Variants in BNIP5 observed in about 807,000 individuals in gnomAD.
The protein encoded by BNIP5 is BCL2 interacting protein 5, also known as protein BNIP5.
A neutral mutation model predicts 67.3 loss-of-function variants in BNIP5; 61 were observed. The ratio of observed to expected loss-of-function variants is 0.91; its 90% CI spans 0.74 to 1.12. The LOEUF is 1.12. BNIP5 is among the 50% of genes most tolerant of loss of function. BNIP5 has a pLI of 0.00. For missense variants in BNIP5, 826 were observed against 816.3 expected, an observed-to-expected ratio of 1.01 and a Z score of -0.14; for synonymous variants, 317 against 319.0, an observed-to-expected ratio of 0.99 and a Z score of 0.07.
At chr6:36,324,398 G>A (rs1239787817) in intron 6 of BNIP5, among the ~76,000 whole-genome samples, 3 of 150,652 alleles carry the variant, frequency 2.0e-5, no homozygotes, top group Non-Finnish European at 3.0e-5. Flanking sequence ...CCAGGAGGAG[G>A]CCCCTCAGGG....
Position 36,326,560 on chromosome 6 carries a change from A to G in BNIP5, c.986T>C (p.Phe329Ser). Residue 329 changes from phenylalanine to serine, a missense_variant, in exon 5 of 12, where the codon TTT becomes TCT. Transcript: ENST00000437635. ...ATGGCCGCTGACACACAGGGGCAGAAAGCTGGACTTCTTGGGTGGCCAGGC... is the reference window on the plus strand; with the variant it reads ...ATGGCCGCTGACACACAGGGGCAGAGAGCTGGACTTCTTGGGTGGCCAGGC... ...PEAWPPKKSSFLPLCVSGHRP... is the reference protein window; with the variant it reads ...PEAWPPKKSSSLPLCVSGHRP... 1 of 1,614,248 alleles carries G rather than the reference A, an allele frequency of 6.2e-7. No individual in the cohort carries two copies. The highest frequency in any genetic ancestry group is 1.3e-5 in the African/African-American group (1 of 75,076).
rs750923158 is a variant in BNIP5, at chr6:36,321,247, A to G, written c.1604-28T>C. ...AAGGAAAAGAAAGGAGGATTGAGTG[A>G]CTGTTGACTGGGTGATGCCCAGTTC... On this transcript the variant is annotated intron_variant, in intron 9 of 11. Transcript: ENST00000437635. The G allele has an allele frequency of 3.9e-6, 6 of 1,543,172 alleles. No homozygotes were observed. In the Admixed American group the frequency reaches 1.1e-4, roughly 28 times the overall value.
At chr6:36,329,001 C>G (rs1174949329) in intron 2 of BNIP5, among the ~76,000 whole-genome samples, 5 of 152,108 alleles carry the variant, frequency 3.3e-5, no homozygotes, top group Non-Finnish European at 2.9e-5. Context: ...CAAGGCAGAG[C>G]CCCCCTCCCT....
rs141923888 is a variant in BNIP5, at chr6:36,316,623, T to C, written c.*733A>G. ...GAAAACTACCCAAAAGAAGCTATAGTGCCTACATGGACATGGCACTAGGTA... is the reference window on the plus strand; with the variant it reads ...GAAAACTACCCAAAAGAAGCTATAGCGCCTACATGGACATGGCACTAGGTA... On this transcript the variant is annotated 3_prime_UTR_variant, in exon 12 of 12. Transcript: ENST00000437635. 5.1e-4 allele frequency: 203 copies of C among 398,708 alleles called. 3 individuals carry two copies. The East Asian group carries it at 5.8e-3, about 11-fold the overall frequency. The allele number at this position is 398,708 out of a possible 1,614,324, so 24.7% of individuals were successfully genotyped here.
chr6:36,323,002 G>A (rs1441148321), intron 8 of BNIP5, among the ~76,000 whole-genome samples: 4 of 152,188 alleles, frequency 2.6e-5, no homozygotes, highest in Non-Finnish European at 5.9e-5. Flanking sequence ...GATGCACAGC[G>A]GCACGGATCT....
chr6:36,325,910 C>G (rs377632780), intron 5 of BNIP5, among the ~76,000 whole-genome samples: 1 of 152,190 alleles, frequency 6.6e-6, no homozygotes, highest in African/African-American at 2.4e-5. Flanking sequence ...CTAGCTCTGG[C>G]CCCATCATCC....
At chr6:36,331,894 T>A (rs917923510) in intron 1 of BNIP5, among the ~76,000 whole-genome samples, 5 of 152,064 alleles carry the variant, frequency 3.3e-5, no homozygotes, top group Admixed American at 1.3e-4. Context: ...TCATAGAGCC[T>A]GTCCTCACCC....
chr6:36,335,828 C>T (rs369139771), intron 1 of BNIP5, among the ~76,000 whole-genome samples: 1 of 152,140 alleles, frequency 6.6e-6, no homozygotes, highest in East Asian at 1.9e-4. Flanking sequence ...CCACTTCTCC[C>T]GATTCAAATC....
Position 36,316,321 on chromosome 6 carries a change from G to T in BNIP5, c.*1035C>A, listed in dbSNP as rs1771513749. The T allele has an allele frequency of 5.1e-6, 2 of 395,256 alleles. No homozygotes were observed. The highest frequency in any genetic ancestry group is 4.1e-5 in the African/African-American group (2 of 48,564). 24.5% of individuals were successfully genotyped at this position (395,256 alleles called of 1,614,324 possible). A position where few individuals can be genotyped will look rare whatever the true frequency, so the allele number is the denominator to read the frequency against. ...TCCTGCACATAGATATGAACATGTG[G>T]CAAATTTCACACCTGAGTCAAGCTA... On this transcript the variant is annotated 3_prime_UTR_variant, in exon 12 of 12. Coordinates refer to ENST00000437635, the MANE Select transcript of BNIP5 (RefSeq NM_001010903.5).
intron 5 of BNIP5, 62 bp downstream of exon 5, chr6:36,326,448 G>A (rs1440821227): frequency 6.2e-7 from 1 of 1,601,094 alleles, no homozygotes; most frequent in Non-Finnish European, 8.5e-7. Context: ...TCCATCCCCA[G>A]GGAAGGTTCC....
At position 36,327,204 on chromosome 6, in the gene BNIP5, A is replaced by G. The variant is rs576020334; in HGVS notation, c.728-110T>C. 8 of 970,772 alleles carry G rather than the reference A, an allele frequency of 8.2e-6. No individual in the cohort carries two copies. In the Admixed American group the frequency reaches 1.4e-4, roughly 17 times the overall value. 60.1% of individuals were successfully genotyped at this position (970,772 alleles called of 1,614,324 possible). A position where few individuals can be genotyped will look rare whatever the true frequency, so the allele number is the denominator to read the frequency against. ...AACAACTCTTTAGGCCACACAATGG[A>G]GGGAAAGCACCACATCCCAGGGGCA... On this transcript the variant is annotated intron_variant, in intron 3 of 11. Transcript: ENST00000437635.
Position 36,319,357 on chromosome 6 carries a change from G to A in BNIP5, c.1922C>T (p.Pro641Leu), listed in dbSNP as rs200253966. 5.5e-5 allele frequency: 88 copies of A among 1,613,336 alleles called. 1 individual carries two copies. Among genetic ancestry groups the A allele is most frequent in the South Asian group, 3.3e-5 (3 of 91,038 alleles). ...ATTGTCTTCCCCGCCCTCTCTCACC[G>A]GCTGGTCCTCCCTGTATGGGAACTG... ...CTQFPYREDQ[P>L]NITSPKVESP... The change falls in exon 11 of 12, where the codon CCG becomes CTG. Residue 641 changes from proline to leucine, a missense_variant and splice_region_variant. Pro to Leu is a moderately conservative substitution (Grantham distance 98, BLOSUM62 -3). Transcript: ENST00000437635.
Position 36,323,251 on chromosome 6 carries a change from A to G in BNIP5, c.1471+42T>C, listed in dbSNP as rs375213967. The G allele has an allele frequency of 5.0e-6, 8 of 1,611,202 alleles. No individual in the cohort carries two copies. In the African/African-American group the frequency reaches 6.7e-5, roughly 13 times the overall value. ...ACAGGCCACACAGCAGCCTTGCCCA[A>G]GAGGAAGCCTCTGTTACCATGGCAA... On this transcript the variant is annotated intron_variant, in intron 8 of 11. Transcript: ENST00000437635.
intron 1 of BNIP5, among the ~76,000 whole-genome samples, chr6:36,330,955 G>T (rs1241183883): frequency 1.3e-5 from 2 of 152,122 alleles, no homozygotes; most frequent in Admixed American, 6.5e-5. Flanking sequence ...GTAGAGATGG[G>T]GTTTCACCGT....
intron 1 of BNIP5, among the ~76,000 whole-genome samples, chr6:36,334,450 A>C: frequency 6.6e-6 from 1 of 151,602 alleles, no homozygotes; most frequent in Non-Finnish European, 1.5e-5. Flanking sequence ...TACCAGCCCT[A>C]CTTCCTTCTT....
chr6:36,330,703 A>G lies in BNIP5; in HGVS notation c.-4-9T>C. 3 of 1,538,262 alleles carry G rather than the reference A, an allele frequency of 2.0e-6. No individual in the cohort carries two copies. Among genetic ancestry groups the G allele is most frequent in the Non-Finnish European group, 1.7e-6 (2 of 1,152,678 alleles). On this transcript the variant is annotated splice_polypyrimidine_tract_variant and intron_variant, in intron 1 of 11. Transcript: ENST00000437635. ...TTGGATTCTCCATCGGGCTGCAACCAAAACACACAGCTCCCTTAGTTTTTT... is the reference window on the plus strand; with the variant it reads ...TTGGATTCTCCATCGGGCTGCAACCGAAACACACAGCTCCCTTAGTTTTTT...
At chr6:36,325,254 G>A (rs764654251) in intron 6 of BNIP5, 29 bp downstream of exon 6, 1 of 1,612,238 alleles carries the variant, frequency 6.2e-7, no homozygotes, top group South Asian at 1.1e-5. Flanking sequence ...TTTGCAAGGG[G>A]TGTCTGAGAA....
chr6:36,328,042 G>A (rs953888705), intron 3 of BNIP5, among the ~76,000 whole-genome samples: 1 of 152,124 alleles, frequency 6.6e-6, no homozygotes. Context: ...CTTTTTTACA[G>A]GGAATTAGAT....
intron 2 of BNIP5, among the ~76,000 whole-genome samples, chr6:36,329,108 A>G (rs867723661): frequency 3.9e-5 from 6 of 152,190 alleles, no homozygotes; most frequent in Admixed American, 3.3e-4. Flanking sequence ...GGGAATCAAA[A>G]GTTCTAGAGG....
Sources: allele counts gnomAD v4.1 joint callset (sites outside exome capture counted in the v4.1 genomes callset), GRCh38; gene constraint gnomAD v4.1.1; transcripts MANE v1.5; gene names NCBI Gene and HGNC (gene_info 2026-07-23, HGNC 2026-07-21).